The following LRP1B variants were observed in gnomAD, a reference collection of about 807,000 sequenced individuals.
LRP1B encodes the protein low-density lipoprotein receptor-related protein 1B.
LRP1B carries 217 observed loss-of-function variants against 556.6 expected under a neutral mutation model. The ratio of observed to expected loss-of-function variants is 0.39; its 90% CI spans 0.35 to 0.44. The LOEUF is 0.44. Among genes scored for constraint, LRP1B ranks in the 20% least tolerant of loss-of-function variants. The pLI is 1.00. For synonymous variants in LRP1B, 2,047 were observed against 1,865.8 expected (o/e 1.10, Z -2.50); for missense variants, 5,053 against 5,620.8 (o/e 0.90, Z 3.23).
In LRP1B at chr2:141,252,078, G is replaced by T. The variant is rs565612545; in HGVS notation, c.463+2444C>A. 7.9e-5 allele frequency among the ~76,000 whole-genome samples: 12 copies of T among 151,956 alleles called. No individual in the cohort carries two copies. The South Asian group carries it at 2.3e-3, about 29-fold the overall frequency. On this transcript the variant is annotated intron_variant, in intron 4 of 90. Coordinates refer to ENST00000389484, the MANE Select transcript of LRP1B (RefSeq NM_018557.3). ...GGTGTATAAATGCCTGAGTTCCCTT[G>T]TCTCTCATGCTAGAGAGCTGTGCCA...
chr2:140,930,416 A>C (rs1695015910), intron 20 of LRP1B, among the ~76,000 whole-genome samples: 1 of 152,164 alleles, frequency 6.6e-6, no homozygotes. Context: ...CTAAATATTT[A>C]TAGTTAGAAG....
At chr2:141,697,463 T>C (rs943207887) in intron 2 of LRP1B, among the ~76,000 whole-genome samples, 4 of 152,002 alleles carry the variant, frequency 2.6e-5, no homozygotes, top group Non-Finnish European at 4.4e-5. Context: ...TCATATTACA[T>C]TGAAACGTGC....
chr2:141,531,486 T>C (rs1386728303), intron 2 of LRP1B, among the ~76,000 whole-genome samples: 1 of 152,100 alleles, frequency 6.6e-6, no homozygotes, highest in Non-Finnish European at 1.5e-5. Context: ...GACTGTGTCA[T>C]GTACAATGGA....
rs1352322899 is a variant in LRP1B at position 140,693,254 on chromosome 2, T to A, written c.6799+6996A>T. The stretch of plus-strand genomic sequence containing the variant: ...AAAATTGCCTTGGCAATTGGTGATA[T>A]TTTGCTCTTCTATGTGAATTCTACT... On this transcript the variant is annotated intron_variant, in intron 41 of 90. Transcript: ENST00000389484. Among the ~76,000 whole-genome samples the A allele has an allele frequency of 2.0e-5, 3 of 152,196 alleles. No individual in the cohort carries two copies. The East Asian group carries it at 5.8e-4, about 29-fold the overall frequency.
chr2:140,246,628 A>G, intron 87 of LRP1B, among the ~76,000 whole-genome samples: 1 of 151,512 alleles, frequency 6.6e-6, no homozygotes, highest in Middle Eastern at 3.2e-3. Context: ...TTTATTAAGA[A>G]TTGCTTGTTA....
At chr2:142,032,902 T>C (rs1376693617) in intron 1 of LRP1B, among the ~76,000 whole-genome samples, 1 of 151,864 alleles carries the variant, frequency 6.6e-6, no homozygotes, top group Non-Finnish European at 1.5e-5. Context: ...GTCCGTTACA[T>C]TTTAACACTA....
intron 1 of LRP1B, among the ~76,000 whole-genome samples, chr2:142,064,039 G>T (rs1175207288): frequency 6.6e-6 from 1 of 151,500 alleles, no homozygotes; most frequent in Non-Finnish European, 1.5e-5. Context: ...GTTTCTGAAA[G>T]ATTTTGACAA....
intron 1 of LRP1B, among the ~76,000 whole-genome samples, chr2:142,124,933 G>C (rs543987965): frequency 1.7e-4 from 26 of 150,978 alleles, no homozygotes; most frequent in South Asian, 4.2e-4. Context: ...TAATAGTTTT[G>C]ATTTCCATTT....
At chr2:141,964,422 G>T (rs1464233149) in intron 1 of LRP1B, among the ~76,000 whole-genome samples, 6 of 147,504 alleles carry the variant, frequency 4.1e-5, no homozygotes, top group African/African-American at 1.5e-4. Flanking sequence ...ACAGAACAGA[G>T]CCCTCAGAAA....
At chr2:140,323,137 A>G (rs16843782) in intron 81 of LRP1B, among the ~76,000 whole-genome samples, 20,429 of 152,054 alleles carry the variant, frequency 0.13, 1,456 homozygotes, top group African/African-American at 0.18. Flanking sequence ...TGCCATAAAT[A>G]GTAATTACAA....
chr2:142,050,694 G>A (rs1399106907), intron 1 of LRP1B, among the ~76,000 whole-genome samples: 1 of 152,042 alleles, frequency 6.6e-6, no homozygotes, highest in Non-Finnish European at 1.5e-5. Context: ...TGAACGAGTA[G>A]CTTATATGAA....
At chr2:141,068,350 T>A (rs575431600) in intron 7 of LRP1B, among the ~76,000 whole-genome samples, 1 of 151,878 alleles carries the variant, frequency 6.6e-6, no homozygotes, top group African/African-American at 2.4e-5. Flanking sequence ...ATGGGACTTC[T>A]GGCCCACAAC....
At chr2:141,495,104 AAGGT>A (rs1012220283) in intron 2 of LRP1B, among the ~76,000 whole-genome samples, 6 of 152,198 alleles carry the variant, frequency 3.9e-5, no homozygotes, top group South Asian at 2.1e-4. Context: ...GGCTATAAAA[AAGGT>A]AGAAACATAA....
At chr2:140,579,028 G>A (rs10170926) in intron 43 of LRP1B, among the ~76,000 whole-genome samples, 38,916 of 151,848 alleles carry the variant, frequency 0.26, 5,094 homozygotes, top group South Asian at 0.33. Context: ...CAAGGGGAAC[G>A]AGGAGACGGA....
At chr2:140,393,302 T>C (rs1026300966) in intron 66 of LRP1B, among the ~76,000 whole-genome samples, 4 of 151,980 alleles carry the variant, frequency 2.6e-5, no homozygotes, top group African/African-American at 9.7e-5. Context: ...AATGAACCAG[T>C]AGCTACCTAA....
intron 3 of LRP1B, among the ~76,000 whole-genome samples, chr2:141,307,793 T>A (rs879260128): frequency 2.0e-5 from 3 of 152,184 alleles, no homozygotes; most frequent in South Asian, 4.1e-4. Flanking sequence ...GGGAAGATTC[T>A]TGGGCCTTCA....
chr2:141,918,436 T>C (rs1284841087), intron 1 of LRP1B, among the ~76,000 whole-genome samples: 2 of 152,110 alleles, frequency 1.3e-5, no homozygotes, highest in African/African-American at 4.8e-5. Context: ...ATGTATGTAT[T>C]TGGTATCGAG....
chr2:141,769,003 A>G (rs951649417), intron 2 of LRP1B, among the ~76,000 whole-genome samples: 3 of 152,088 alleles, frequency 2.0e-5, no homozygotes, highest in African/African-American at 7.2e-5. Context: ...GACAATTATT[A>G]TTCCCATTTT....
chr2:141,291,723 G>T (rs983611549), intron 3 of LRP1B, among the ~76,000 whole-genome samples: 2 of 151,746 alleles, frequency 1.3e-5, no homozygotes, highest in Admixed American at 1.3e-4. Flanking sequence ...GGGAGTGGTG[G>T]CGGGCACCTG....
Sources: gnomAD v4.1 joint callset for allele counts (sites outside exome capture counted in the v4.1 genomes callset) on GRCh38, gnomAD v4.1.1 for gene constraint, MANE v1.5 for transcripts, NCBI Gene and HGNC (gene_info 2026-07-23, HGNC 2026-07-21) for gene names.